Variants in ARSG observed in about 807,000 individuals in gnomAD.
The protein encoded by ARSG is ASG.
A neutral mutation model predicts 50.5 loss-of-function variants in ARSG; 37 were observed. That is an observed-to-expected ratio of 0.73 (90% confidence interval 0.56 to 0.96). The LOEUF is 0.96. ARSG is among the 50% of genes least tolerant of loss of function. ARSG has a pLI of 0.00. For synonymous variants in ARSG, 225 were observed against 254.6 expected, an observed-to-expected ratio of 0.88 and a Z score of 1.11; for missense variants, 629 against 675.3, an observed-to-expected ratio of 0.93 and a Z score of 0.76.
chr17:68,363,209 G>T (rs537428239), intron 6 of ARSG, among the ~76,000 whole-genome samples: 4 of 152,202 alleles, frequency 2.6e-5, no homozygotes, highest in African/African-American at 4.8e-5. Flanking sequence ...ACTATTGGTG[G>T]CTTTGGAATT....
At chr17:68,368,813 G>A (rs1223472045) in intron 7 of ARSG, 69 bp downstream of exon 7, 28 of 1,525,270 alleles carry the variant, frequency 1.8e-5, no homozygotes, top group Non-Finnish European at 2.4e-5. Context: ...CCTGTGAAGA[G>A]CAGAGTCTGG....
intron 1 of ARSG, among the ~76,000 whole-genome samples, chr17:68,276,235 A>G (rs1411710990): frequency 6.6e-6 from 1 of 151,810 alleles, no homozygotes; most frequent in Non-Finnish European, 1.5e-5. Flanking sequence ...CTGGGATTAC[A>G]GGTGCCCACC....
chr17:68,399,365 G>A lies in ARSG; in HGVS notation c.1213-1995G>A, dbSNP rs60617294. On this transcript the variant is annotated intron_variant, in intron 10 of 11. Transcript: ENST00000621439. This position sits in a 1 kb window ranked among gnomAD's most constrained non-coding sequence, Gnocchi z 4.6. ...AGGGGATGCTATATCAGCACCCTGTGGGACTTAAGGTAAAGGAATGCTCTC... is the reference window on the plus strand; with the variant it reads ...AGGGGATGCTATATCAGCACCCTGTAGGACTTAAGGTAAAGGAATGCTCTC... 0.11 allele frequency among the ~76,000 whole-genome samples: 16,755 copies of A among 152,080 alleles called. 2,340 individuals are homozygous for A. The highest frequency in any genetic ancestry group is 0.32 in the African/African-American group (13,440 of 41,422).
chr17:68,336,489 C>T (rs932307214), intron 2 of ARSG, among the ~76,000 whole-genome samples: 7 of 152,168 alleles, frequency 4.6e-5, no homozygotes, highest in African/African-American at 1.7e-4. Context: ...GGATTACAGG[C>T]GTGAACCACC....
chr17:68,333,660 A>ATAATAG lies in ARSG; in HGVS notation c.219-9939_219-9938insGTAATA, dbSNP rs1287344276. Among the ~76,000 whole-genome samples, 19 of 148,912 alleles carry ATAATAG rather than the reference A, an allele frequency of 1.3e-4. 1 individual carries two copies. The highest frequency in any genetic ancestry group is 3.7e-4 in the African/African-American group (15 of 40,714). ...AATAATAATAATAATAATAATAATA[A>ATAATAG]TAATAATAATAATAAAAGAGTAATA... is the stretch of plus-strand genomic sequence containing the variant. On this transcript the variant is annotated intron_variant, in intron 2 of 11. Transcript: ENST00000621439.
At chr17:68,264,446 C>CT (rs531424299) in intron 1 of ARSG, among the ~76,000 whole-genome samples, 29 of 148,822 alleles carry the variant, frequency 1.9e-4, no homozygotes, top group Admixed American at 6.7e-4. Context: ...GGTCTCAACT[C>CT]TTTTTTTTTT....
At chr17:68,398,375 G>T (rs2081340184) in intron 10 of ARSG, among the ~76,000 whole-genome samples, 2 of 152,200 alleles carry the variant, frequency 1.3e-5, no homozygotes, top group Non-Finnish European at 2.9e-5. Flanking sequence ...TTATATGCAG[G>T]TGTATGCACA....
chr17:68,273,927 C>T (rs2075424656), intron 1 of ARSG: 3 of 1,613,984 alleles, frequency 1.9e-6, no homozygotes, highest in Non-Finnish European at 2.5e-6. Flanking sequence ...GAACACTTAC[C>T]AGAGATGATG....
rs369772288 is a variant in ARSG at position 68,420,265 on chromosome 17, C to T, written c.1380C>T (p.Asp460=). 9.6e-5 allele frequency: 155 copies of T among 1,614,092 alleles called. No individual in the cohort carries two copies. Among genetic ancestry groups the T allele is most frequent in the Middle Eastern group, 1.7e-4 (1 of 6,060 alleles). Residue 460 remains aspartate, a synonymous_variant, in exon 12 of 12, where the codon GAC becomes GAT. Coordinates refer to ENST00000621439, the MANE Select transcript of ARSG (RefSeq NM_001267727.2). Reference sequence around the variant, plus strand: ...TTCCTCTGATTTTCAACCTGGAAGACGATACCGCAGAAGCTGTGCCCCTAG... The same window carrying T: ...TTCCTCTGATTTTCAACCTGGAAGATGATACCGCAGAAGCTGTGCCCCTAG... ...HKFPLIFNLE[D]DTAEAVPLER...
chr17:68,404,897 A>G (rs1349054375), intron 11 of ARSG, among the ~76,000 whole-genome samples: 1 of 152,158 alleles, frequency 6.6e-6, no homozygotes, highest in Non-Finnish European at 1.5e-5. Context: ...ATTGTTTTAC[A>G]TGTTGACATC....
the ARSG span, chr17:68,434,573 GAA>G: frequency 3.1e-6 from 5 of 1,613,886 alleles, no homozygotes; most frequent in Admixed American, 6.7e-5. Flanking sequence ...TCCCTCTCCG[GAA>G]CTCATAGAGC....
chr17:68,291,691 C>A (rs992681293), intron 1 of ARSG, 123 bp downstream of exon 1: 1 of 151,772 alleles, frequency 6.6e-6, no homozygotes, highest in Non-Finnish European at 1.5e-5. Context: ...GACCCCGGAG[C>A]TTTGCTGCAA....
intron 6 of ARSG, among the ~76,000 whole-genome samples, chr17:68,364,551 G>A (rs1284614491): frequency 6.6e-6 from 1 of 151,992 alleles, no homozygotes; most frequent in Non-Finnish European, 1.5e-5. Context: ...GTAGAGACAG[G>A]GTTTCACCAT....
intron 1 of ARSG, among the ~76,000 whole-genome samples, chr17:68,275,166 G>A (rs967708548): frequency 2.0e-5 from 3 of 152,206 alleles, no homozygotes; most frequent in African/African-American, 7.2e-5. Flanking sequence ...ATAATTGAAA[G>A]TGAATCATCA....
the ARSG span, chr17:68,435,719 G>A: frequency 1.2e-6 from 2 of 1,614,026 alleles, no homozygotes; most frequent in Non-Finnish European, 8.5e-7. Context: ...TTTTCTGTTG[G>A]TGAAAAGGAA....
chr17:68,426,252 G>GGGGGGGA, downstream of ARSG: 1 of 828,188 alleles, frequency 1.2e-6, no homozygotes, highest in Admixed American at 2.3e-5. Context: ...TGGGGAGCGG[G>GGGGGGGA]GGCTCAAATA....
chr17:68,345,142 A>T (rs1007189953), intron 3 of ARSG, among the ~76,000 whole-genome samples: 5 of 151,940 alleles, frequency 3.3e-5, no homozygotes, highest in Admixed American at 2.6e-4. Flanking sequence ...CTGTGGGCTG[A>T]CTCTCCTTAC....
intron 1 of ARSG, among the ~76,000 whole-genome samples, chr17:68,276,044 T>C (rs1412803588): frequency 1.3e-5 from 2 of 152,098 alleles, no homozygotes; most frequent in South Asian, 2.1e-4. Context: ...AATGACTTCA[T>C]GAAACTTGTA....
intron 6 of ARSG, among the ~76,000 whole-genome samples, chr17:68,364,870 G>A (rs1046223742): frequency 7.2e-5 from 11 of 152,100 alleles, no homozygotes; most frequent in East Asian, 1.9e-4. Context: ...GGTGGCTTGC[G>A]GGACAGATGC....
Sources: gnomAD v4.1 joint callset for allele counts (sites outside exome capture counted in the v4.1 genomes callset) on GRCh38, gnomAD v4.1.1 for gene constraint, Gnocchi (gnomAD v3.1) non-coding constraint, MANE v1.5 for transcripts, NCBI Gene and HGNC (gene_info 2026-07-23, HGNC 2026-07-21) for gene names.